Variants in HS6ST2 observed in about 807,000 individuals in gnomAD.
HS6ST2 encodes heparan sulfate 6-O-sulfotransferase 2, also known as heparan-sulfate 6-O-sulfotransferase 2.
In HS6ST2, 17 loss-of-function variants were observed where a neutral mutation model predicts 33.0. The ratio of observed to expected loss-of-function variants is 0.52; its 90% CI spans 0.35 to 0.77. The LOEUF is 0.77. Ranked by LOEUF, HS6ST2 falls within the 30% of genes least tolerant of loss-of-function variation. HS6ST2 has a pLI of 0.01. For missense variants in HS6ST2, 519 were observed against 551.7 expected, an observed-to-expected ratio of 0.94 and a Z score of 0.59; for synonymous variants, 248 against 237.1, an observed-to-expected ratio of 1.05 and a Z score of -0.42.
chrX:132,883,496 C>T (rs747631712), intron 2 of HS6ST2, among the ~76,000 whole-genome samples: 6 of 110,727 alleles, frequency 5.4e-5, no homozygotes, highest in African/African-American at 1.3e-4. Context: ...TTTTTTATTG[C>T]GTTAACCAAC....
At chrX:132,946,410 C>T (rs748327575) in intron 2 of HS6ST2, among the ~76,000 whole-genome samples, 7 of 112,158 alleles carry the variant, frequency 6.2e-5, no homozygotes, top group Non-Finnish European at 1.1e-4. Context: ...AAATTTGGCA[C>T]ATATATGCCA....
chrX:132,904,374 T>C (rs927560234), intron 2 of HS6ST2, among the ~76,000 whole-genome samples: 8 of 111,735 alleles, frequency 7.2e-5, no homozygotes, highest in Non-Finnish European at 1.1e-4. Context: ...GCTTTTACTA[T>C]TAAAAACTAT....
chrX:132,904,823 C>T (rs940536853), intron 2 of HS6ST2, among the ~76,000 whole-genome samples: 3 of 109,877 alleles, frequency 2.7e-5, no homozygotes, highest in African/African-American at 9.9e-5. Flanking sequence ...CAACCACAGC[C>T]GGCCCCAAAC....
intron 3 of HS6ST2, among the ~76,000 whole-genome samples, chrX:132,702,800 A>AAC (rs372993140): frequency 0.036 from 3,914 of 108,413 alleles, 165 homozygotes; most frequent in African/African-American, 0.12. Flanking sequence ...ATTTCCCTCC[A>AAC]ACACACACAC....
At chrX:132,822,640 A>C (rs5977763) in intron 2 of HS6ST2, among the ~76,000 whole-genome samples, 2,042 of 112,358 alleles carry the variant, frequency 0.018, 60 homozygotes, top group African/African-American at 0.062. Context: ...GCTGCTTTAC[A>C]AGAGACATTT....
At chrX:132,825,704 AGGAAC>A (rs2148382081) in intron 2 of HS6ST2, among the ~76,000 whole-genome samples, 1 of 112,153 alleles carries the variant, frequency 8.9e-6, no homozygotes, top group African/African-American at 3.2e-5. Flanking sequence ...GACCCTAATC[AGGAAC>A]ATGCTAGCTG....
chrX:132,845,126 T>C (rs1391054322), intron 2 of HS6ST2, among the ~76,000 whole-genome samples: 2 of 108,596 alleles, frequency 1.8e-5, no homozygotes, highest in Admixed American at 1.0e-4. Flanking sequence ...ATAATTATAA[T>C]TATTAATATA....
chrX:132,916,955 G>C (rs1309563070), intron 2 of HS6ST2, among the ~76,000 whole-genome samples: 1 of 111,760 alleles, frequency 8.9e-6, no homozygotes, highest in Non-Finnish European at 1.9e-5. Context: ...TATTAGTTCT[G>C]TTCCTCCAGA....
chrX:132,765,923 G>A (rs1310274497), intron 2 of HS6ST2, among the ~76,000 whole-genome samples: 1 of 111,749 alleles, frequency 8.9e-6, no homozygotes, highest in African/African-American at 3.3e-5. Context: ...AGGACTTCCA[G>A]CTAGTCAATG....
At chrX:132,940,481 G>A (rs1030948596) in intron 2 of HS6ST2, among the ~76,000 whole-genome samples, 1 of 111,891 alleles carries the variant, frequency 8.9e-6, no homozygotes, top group Non-Finnish European at 1.9e-5. Flanking sequence ...CTTCAAGAAA[G>A]TGAAGCAACA....
At chrX:132,670,867 G>C (rs889810820) in intron 3 of HS6ST2, among the ~76,000 whole-genome samples, 9 of 112,454 alleles carry the variant, frequency 8.0e-5, no homozygotes, top group Non-Finnish European at 1.7e-4. Flanking sequence ...GCTCTTAGAA[G>C]TGGGAGATAC....
At chrX:132,639,515 G>A (rs780080178) in intron 4 of HS6ST2, among the ~76,000 whole-genome samples, 43 of 111,685 alleles carry the variant, frequency 3.9e-4, no homozygotes, top group African/African-American at 1.3e-3. Flanking sequence ...CCCATGAAGG[G>A]ATATGATCTG....
chrX:132,947,282 G>GTA (rs1427866709), intron 2 of HS6ST2, among the ~76,000 whole-genome samples: 12 of 108,968 alleles, frequency 1.1e-4, no homozygotes, highest in African/African-American at 2.0e-4. Flanking sequence ...ATGTGTGTGT[G>GTA]TATATATATA....
At chrX:132,805,577 A>T (rs2148358284) in intron 2 of HS6ST2, among the ~76,000 whole-genome samples, 1 of 109,170 alleles carries the variant, frequency 9.2e-6, no homozygotes, top group African/African-American at 3.3e-5. Flanking sequence ...CCAGACCTCC[A>T]AATGTCCCCC....
chrX:132,637,959 T>A (rs1461859793), intron 4 of HS6ST2, among the ~76,000 whole-genome samples: 12 of 73,156 alleles, frequency 1.6e-4, no homozygotes, highest in East Asian at 3.8e-4. Context: ...ATAATATATA[T>A]AAAATATTTT....
At chrX:132,648,631 G>A (rs1482708241) in intron 4 of HS6ST2, among the ~76,000 whole-genome samples, 1 of 110,066 alleles carries the variant, frequency 9.1e-6, no homozygotes, top group African/African-American at 3.3e-5. Flanking sequence ...TCTTTTGTAA[G>A]CCTTCAGCTT....
intron 2 of HS6ST2, among the ~76,000 whole-genome samples, chrX:132,843,871 C>T (rs780929454): frequency 1.8e-5 from 2 of 111,673 alleles, no homozygotes; most frequent in African/African-American, 6.5e-5. Flanking sequence ...TTAAGGAAGG[C>T]ATACAAATTG....
intron 2 of HS6ST2, among the ~76,000 whole-genome samples, chrX:132,853,829 C>T (rs1223973609): frequency 9.0e-6 from 1 of 110,793 alleles, no homozygotes; most frequent in Non-Finnish European, 1.9e-5. Context: ...TTGAGACCAG[C>T]CTGGGCAACA....
intron 4 of HS6ST2, among the ~76,000 whole-genome samples, chrX:132,661,501 C>T (rs858614): frequency 0.13 from 14,098 of 110,545 alleles, 722 homozygotes; most frequent in African/African-American, 0.16. Context: ...ATAGGAAAAG[C>T]GTGTATCCTG....
Sources: allele counts gnomAD v4.1 joint callset (sites outside exome capture counted in the v4.1 genomes callset), GRCh38; gene constraint gnomAD v4.1.1; transcripts MANE v1.5; gene names NCBI Gene and HGNC (gene_info 2026-07-23, HGNC 2026-07-21).